SNCAIP: variants seen among roughly 807,000 people sequenced by gnomAD.
SNCAIP encodes synphilin-1.
A neutral mutation model predicts 86.7 loss-of-function variants in SNCAIP; 43 were observed. That is an observed-to-expected ratio of 0.50 (90% confidence interval 0.39 to 0.64). The LOEUF is 0.64. Ranked by LOEUF, SNCAIP falls within the 30% of genes least tolerant of loss-of-function variation. The pLI is 0.00. For missense variants in SNCAIP, 981 were observed against 1,103.1 expected (o/e 0.89, Z 1.57); for synonymous variants, 417 against 427.2 (o/e 0.98, Z 0.29).
chr5:122,347,300 G>A lies in SNCAIP; in HGVS notation c.-47+35016G>A, dbSNP rs1001254640. Among the ~76,000 whole-genome samples, 3 of 151,914 alleles carry A rather than the reference G, an allele frequency of 2.0e-5. No individual in the cohort carries two copies. The East Asian group carries it at 5.8e-4, about 29-fold the overall frequency. On this transcript the variant is annotated intron_variant, in intron 1 of 10. Coordinates refer to ENST00000261368, the MANE Select transcript of SNCAIP (RefSeq NM_005460.4). ...ACTTTTTAAAGCTTGCTAGGATAAAGTGATGGTCATAACATCTTTACCACA... is the reference window on the plus strand; with the variant it reads ...ACTTTTTAAAGCTTGCTAGGATAAAATGATGGTCATAACATCTTTACCACA...
intron 1 of SNCAIP, among the ~76,000 whole-genome samples, chr5:122,333,367 A>G (rs1241530698): frequency 1.3e-5 from 2 of 152,190 alleles, no homozygotes; most frequent in African/African-American, 2.4e-5. Flanking sequence ...TTGGTTAGGT[A>G]TTTTCCAAGT....
chr5:122,422,393 A>C (rs917959835), intron 3 of SNCAIP, among the ~76,000 whole-genome samples: 1 of 152,170 alleles, frequency 6.6e-6, no homozygotes, highest in Non-Finnish European at 1.5e-5. Context: ...ACTTCTTTTC[A>C]TGGGACTTCT....
At chr5:122,458,781 T>G (rs760980211) in intron 10 of SNCAIP, among the ~76,000 whole-genome samples, 16 of 152,296 alleles carry the variant, frequency 1.1e-4, no homozygotes, top group Middle Eastern at 3.4e-3. Context: ...GAGATCATAA[T>G]CAAGAGAGAA....
At chr5:122,420,587 T>TA (rs35340371) in intron 3 of SNCAIP, among the ~76,000 whole-genome samples, 1 of 134,804 alleles carries the variant, frequency 7.4e-6, no homozygotes, top group Non-Finnish European at 1.6e-5. Context: ...ATATATATAT[T>TA]TTTTTTTCCA....
intron 8 of SNCAIP, chr5:122,444,958 C>A: frequency 1.8e-6 from 1 of 561,446 alleles, no homozygotes; most frequent in Non-Finnish European, 3.2e-6. Flanking sequence ...GTACAGCAAG[C>A]TCCCAAAGCA....
At chr5:122,429,743 G>A (rs936507038) in intron 5 of SNCAIP, among the ~76,000 whole-genome samples, 1 of 152,152 alleles carries the variant, frequency 6.6e-6, no homozygotes, top group Non-Finnish European at 1.5e-5. Flanking sequence ...GATGGTTGAG[G>A]GTAAGGGGTT....
At chr5:122,394,924 G>A (rs1223357837) in intron 2 of SNCAIP, among the ~76,000 whole-genome samples, 1 of 152,120 alleles carries the variant, frequency 6.6e-6, no homozygotes, top group Admixed American at 6.5e-5. Context: ...AGAAAATTGA[G>A]GCTTAGAGAG....
chr5:122,384,794 G>A (rs1011252455), intron 1 of SNCAIP, among the ~76,000 whole-genome samples: 2 of 152,152 alleles, frequency 1.3e-5, no homozygotes, highest in African/African-American at 4.8e-5. Flanking sequence ...AAACATGCCA[G>A]AAATTTGATA....
In SNCAIP at chr5:122,356,845, C is replaced by T. The variant is rs73285565; in HGVS notation, c.-46-34244C>T. Among the ~76,000 whole-genome samples the T allele has an allele frequency of 8.6e-3, 1,311 of 152,274 alleles. 21 individuals carry two copies. Among genetic ancestry groups the T allele is most frequent in the African/African-American group, 0.03 (1,259 of 41,544 alleles). On this transcript the variant is annotated intron_variant, in intron 1 of 10. Coordinates refer to ENST00000261368, the MANE Select transcript of SNCAIP (RefSeq NM_005460.4). ...AGCCACTGAAGTACCAGGCCTGGAC[C>T]GATGCACCACCCTCCTAACTGGCTG...
At chr5:122,332,575 C>T (rs530539900) in intron 1 of SNCAIP, among the ~76,000 whole-genome samples, 2 of 152,176 alleles carry the variant, frequency 1.3e-5, no homozygotes, top group Non-Finnish European at 2.9e-5. Flanking sequence ...CTCCAGTGTT[C>T]CCTGAATTAT....
chr5:122,324,828 A>C (rs753616006), intron 1 of SNCAIP, among the ~76,000 whole-genome samples: 23 of 152,226 alleles, frequency 1.5e-4, no homozygotes, highest in Admixed American at 1.0e-3. Flanking sequence ...CAATAATGAG[A>C]TGGAAAAGTA....
intron 5 of SNCAIP, among the ~76,000 whole-genome samples, chr5:122,430,732 T>A (rs1192284854): frequency 2.1e-5 from 2 of 93,080 alleles, no homozygotes; most frequent in African/African-American, 6.0e-5. Flanking sequence ...CTAAAAATTA[T>A]GAGAAATTTT....
intron 3 of SNCAIP, among the ~76,000 whole-genome samples, chr5:122,420,957 C>T (rs552746395): frequency 7.9e-5 from 12 of 152,302 alleles, no homozygotes; most frequent in Admixed American, 3.3e-4. Context: ...AACTGTAAAT[C>T]CCTCAGAAGG....
intron 10 of SNCAIP, chr5:122,454,558 A>G (rs1263360360): frequency 2.6e-5 from 4 of 152,568 alleles, no homozygotes; most frequent in African/African-American, 9.7e-5. Flanking sequence ...CCCCTCCTAG[A>G]CCTTGGTATT....
intron 2 of SNCAIP, among the ~76,000 whole-genome samples, 181 bp from the exon 3 acceptor site, chr5:122,403,612 G>A (rs1343783009): frequency 7.2e-5 from 11 of 152,240 alleles, no homozygotes; most frequent in Middle Eastern, 6.8e-3. Flanking sequence ...GATGCTGCAG[G>A]TAGATCTTAG....
chr5:122,433,353 C>T (rs994886118), intron 6 of SNCAIP, among the ~76,000 whole-genome samples: 1 of 152,090 alleles, frequency 6.6e-6, no homozygotes, highest in African/African-American at 2.4e-5. Flanking sequence ...ATGACTTGCA[C>T]ATGGTCTAAT....
chr5:122,462,988 T>C (rs1786794297), intron 10 of SNCAIP, among the ~76,000 whole-genome samples: 1 of 152,218 alleles, frequency 6.6e-6, no homozygotes, highest in Admixed American at 6.5e-5. Flanking sequence ...TCTTTAGCTT[T>C]TTCTTTTTCC....
At chr5:122,344,253 C>T (rs901472744) in intron 1 of SNCAIP, among the ~76,000 whole-genome samples, 2 of 152,002 alleles carry the variant, frequency 1.3e-5, no homozygotes, top group African/African-American at 4.8e-5. Context: ...TAATTGTTGA[C>T]TAAATGAGTC....
At chr5:122,453,019 T>C (rs572473893) in intron 10 of SNCAIP, 170 of 1,449,748 alleles carry the variant, frequency 1.2e-4, no homozygotes, top group Non-Finnish European at 1.4e-4. Context: ...GGAGATATGC[T>C]GTGCGGCATT....
Sources: allele counts gnomAD v4.1 joint callset (sites outside exome capture counted in the v4.1 genomes callset), GRCh38; gene constraint gnomAD v4.1.1; transcripts MANE v1.5; gene names NCBI Gene and HGNC (gene_info 2026-07-23, HGNC 2026-07-21).